The following BRPF3 variants were observed in gnomAD, a reference collection of about 807,000 sequenced individuals.
The protein encoded by BRPF3 is bromodomain and PHD finger-containing protein 3.
In BRPF3, 18 loss-of-function variants were observed where a neutral mutation model predicts 102.0. The observed-to-expected ratio is 0.18, with a 90% CI of 0.12 to 0.26. The LOEUF (loss-of-function observed/expected upper bound fraction) is 0.26, where lower values mean the gene tolerates loss of function less well. Ranked by LOEUF, BRPF3 falls within the 10% of genes least tolerant of loss-of-function variation. The pLI, the probability that BRPF3 is intolerant of heterozygous loss-of-function variation, is 1.00. For missense variants in BRPF3, 1,147 were observed against 1,567.8 expected (o/e 0.73, Z 4.53); for synonymous variants, 570 against 614.2 (o/e 0.93, Z 1.06).
intron 8 of BRPF3, among the ~76,000 whole-genome samples, chr6:36,215,112 TTTTTTTTG>T (rs1032661979): frequency 1.8e-4 from 28 of 151,856 alleles, no homozygotes; most frequent in African/African-American, 6.3e-4. Flanking sequence ...AAGAGAGGGT[TTTTTTTTG>T]TTTTTTTGTT....
Position 36,214,280 on chromosome 6 carries a change from C to T in BRPF3, c.2883C>T (p.Ala961=). The T allele has an allele frequency of 1.2e-6, 2 of 1,614,042 alleles. No individual in the cohort carries two copies. Among genetic ancestry groups the T allele is most frequent in the South Asian group, 1.1e-5 (1 of 91,090 alleles). ...GEDHGVAGSP[A]SPASIEEERH... is the part of the protein sequence containing the mutation. ...ACCATGGTGTGGCAGGCTCTCCTGC[C>T]TCTCCAGCCAGCATCGAGGAAGAGC... The change falls in exon 8 of 13, where the codon GCC becomes GCT. Residue 961 remains alanine (A), a synonymous_variant. Transcript: ENST00000357641.
intron 1 of BRPF3, among the ~76,000 whole-genome samples, chr6:36,199,061 T>G (rs189952770): frequency 6.6e-6 from 1 of 152,312 alleles, no homozygotes. Context: ...TAGGGTTTGT[T>G]TCTGCCTGGA....
chr6:36,211,936 T>C (rs1333235939), intron 7 of BRPF3, among the ~76,000 whole-genome samples: 7 of 152,152 alleles, frequency 4.6e-5, no homozygotes, highest in Admixed American at 2.6e-4. Context: ...TACATACCAG[T>C]TAAATATCAG....
At chr6:36,209,680 T>C (rs1768026204) in intron 4 of BRPF3, 107 bp from the exon 5 acceptor site, 2 of 1,425,154 alleles carry the variant, frequency 1.4e-6, no homozygotes, top group Admixed American at 2.2e-5. Context: ...TAATATTCTA[T>C]GAAAATTTGT....
At chr6:36,229,995 G>A (rs1299350542) in intron 12 of BRPF3, among the ~76,000 whole-genome samples, 1 of 152,182 alleles carries the variant, frequency 6.6e-6, no homozygotes, top group African/African-American at 2.4e-5. Context: ...TACACAGTGT[G>A]CAGGTCCCAC....
intron 2 of BRPF3, among the ~76,000 whole-genome samples, chr6:36,202,265 G>A (rs1280992920): frequency 6.6e-6 from 1 of 152,156 alleles, no homozygotes; most frequent in African/African-American, 2.4e-5. Flanking sequence ...TCAGAGGATC[G>A]GCATGGCCAT....
intron 12 of BRPF3, among the ~76,000 whole-genome samples, chr6:36,229,595 G>T (rs573788801): frequency 6.6e-6 from 1 of 152,282 alleles, no homozygotes; most frequent in Admixed American, 6.5e-5. Flanking sequence ...GTCCTGAGGG[G>T]GGTTCTGGCC....
intron 7 of BRPF3, among the ~76,000 whole-genome samples, chr6:36,213,414 A>T (rs1385873778): frequency 6.6e-6 from 1 of 151,824 alleles, no homozygotes; most frequent in Non-Finnish European, 1.5e-5. Flanking sequence ...TCTCCTGGGG[A>T]TGGGTACAGT....
intron 9 of BRPF3, 99 bp from the exon 10 acceptor site, chr6:36,222,068 AG>A: frequency 8.5e-7 from 1 of 1,173,652 alleles, no homozygotes; most frequent in South Asian, 1.4e-5. Context: ...GAGTTTTTGC[AG>A]CTCCACTCCT....
At chr6:36,228,059 G>A (rs1014454854) in intron 11 of BRPF3, among the ~76,000 whole-genome samples, 28 of 152,202 alleles carry the variant, frequency 1.8e-4, no homozygotes, top group African/African-American at 5.6e-4. Flanking sequence ...GCAGTGGGCT[G>A]TGGAGGCCCA....
At position 36,217,943 on chromosome 6, in the gene BRPF3, A is replaced by G; in HGVS notation, c.3016A>G (p.Thr1006Ala). 3.7e-6 allele frequency: 6 copies of G among 1,613,006 alleles called. No homozygotes were observed. Among genetic ancestry groups the G allele is most frequent in the Non-Finnish European group, 1.7e-6 (2 of 1,179,600 alleles). ...TGMTNGFGKH[T>A]ESGSDSECSL... ...CATGACCAACGGCTTTGGAAAACAC[A>G]CCGAAAGCGGGTCTGACTCTGAATG... is the stretch of plus-strand genomic sequence containing the variant. Residue 1006 changes from threonine to alanine, a missense_variant, in exon 9 of 13, where the codon ACC becomes GCC. Around this residue, in one of 11 missense-constraint regions of BRPF3, gnomAD observed 379 missense variants for 426.3 expected, o/e 0.89. Transcript: ENST00000357641.
In BRPF3 at chr6:36,230,866, A is replaced by G. The variant is rs747568684; in HGVS notation, c.*257A>G. ...TCACTGAAGAACCAGTTAGAAGTAG[A>G]AACAGCTGTGGGGCTTGGGCCCAGC... On this transcript the variant is annotated 3_prime_UTR_variant, in exon 13 of 13. Coordinates refer to ENST00000357641, the MANE Select transcript of BRPF3 (RefSeq NM_015695.3). The surrounding 1 kb of genome is among the most constrained non-coding windows in gnomAD (Gnocchi z 5.4). The G allele has an allele frequency of 8.1e-6, 4 of 496,360 alleles. No homozygotes were observed. Among genetic ancestry groups the G allele is most frequent in the Non-Finnish European group, 1.1e-5 (3 of 277,668 alleles). The allele number at this position is 496,360 out of a possible 1,614,324, so 30.7% of individuals were successfully genotyped here. A position where few individuals can be genotyped will look rare whatever the true frequency, so the allele number is the denominator to read the frequency against.
chr6:36,209,755 T>A (rs776479603), intron 4 of BRPF3, 32 bp from the exon 5 acceptor site: 1 of 1,606,346 alleles, frequency 6.2e-7, no homozygotes, highest in Non-Finnish European at 8.5e-7. Flanking sequence ...CAGGGGATGT[T>A]CTGATCTGAT....
intron 11 of BRPF3, among the ~76,000 whole-genome samples, chr6:36,226,075 T>C (rs1214055940): frequency 6.6e-6 from 1 of 152,272 alleles, no homozygotes; most frequent in Non-Finnish European, 1.5e-5. Context: ...TACCATATTT[T>C]AACCATTCCC....
At chr6:36,207,216 A>C (rs926476788) in intron 3 of BRPF3, 97 bp from the exon 4 acceptor site, 1 of 1,500,816 alleles carries the variant, frequency 6.7e-7, no homozygotes, top group South Asian at 1.3e-5. Context: ...AAGGAAGGGG[A>C]CAAGACTTTT....
At position 36,230,411 on chromosome 6, in the gene BRPF3, G is replaced by T; in HGVS notation, c.3435-15G>T. ...ACCCACTACTGCCCAGCCTCTTACTGTGCTTGCATTTCAGGCAGTGGCTTC... is the reference window on the plus strand; with the variant it reads ...ACCCACTACTGCCCAGCCTCTTACTTTGCTTGCATTTCAGGCAGTGGCTTC... On this transcript the variant is annotated splice_polypyrimidine_tract_variant and intron_variant, in intron 12 of 12. Transcript: ENST00000357641. This position sits in a 1 kb window ranked among gnomAD's most constrained non-coding sequence, Gnocchi z 5.4. The T allele has an allele frequency of 6.2e-7, 1 of 1,613,486 alleles. No individual in the cohort carries two copies.
intron 6 of BRPF3, 107 bp from the exon 7 acceptor site, chr6:36,211,151 C>G (rs894003849): frequency 2.4e-5 from 31 of 1,294,870 alleles, no homozygotes; most frequent in Non-Finnish European, 3.1e-5. Context: ...AGCTGCTGGC[C>G]CAGGCATTCC....
At chr6:36,208,220 A>C (rs746049916) in intron 4 of BRPF3, among the ~76,000 whole-genome samples, 5 of 152,202 alleles carry the variant, frequency 3.3e-5, no homozygotes, top group Non-Finnish European at 5.9e-5. Context: ...GCTTCTCTGA[A>C]GTGTCTACTG....
chr6:36,204,364 C>A, intron 2 of BRPF3: 1 of 399,640 alleles, frequency 2.5e-6, no homozygotes, highest in Non-Finnish European at 4.6e-6. Context: ...TCAGTCCGTA[C>A]GTGGAACAAG....
Sources: allele counts gnomAD v4.1 joint callset (sites outside exome capture counted in the v4.1 genomes callset), GRCh38; gene constraint gnomAD v4.1.1; regional missense constraint gnomAD v4.1.1; non-coding constraint Gnocchi (gnomAD v3.1); transcripts MANE v1.5; gene names NCBI Gene and HGNC (gene_info 2026-07-23, HGNC 2026-07-21).